The following MRPL9 variants were observed in gnomAD, a reference collection of about 807,000 sequenced individuals.
The protein encoded by MRPL9 is mitochondrial ribosomal protein L9, also known as large ribosomal subunit protein bL9m.
A neutral mutation model predicts 27.6 loss-of-function variants in MRPL9; 25 were observed. That is an observed-to-expected ratio of 0.91 (90% confidence interval 0.66 to 1.27). The LOEUF (loss-of-function observed/expected upper bound fraction) is 1.27, where lower values mean the gene tolerates loss of function less well. Ranked by LOEUF, MRPL9 falls within the 50% of genes most tolerant of loss-of-function variation. The pLI is 0.00. For synonymous variants in MRPL9, 154 were observed against 139.0 expected, an observed-to-expected ratio of 1.11 and a Z score of -0.76; for missense variants, 362 against 338.0, an observed-to-expected ratio of 1.07 and a Z score of -0.56.
Position 151,762,404 on chromosome 1 carries a change from T to A in MRPL9, c.407A>T (p.Asn136Ile). The A allele has an allele frequency of 1.2e-6, 2 of 1,614,204 alleles. No individual in the cohort carries two copies. Among genetic ancestry groups the A allele is most frequent in the Non-Finnish European group, 1.7e-6 (2 of 1,180,032 alleles). Reference protein sequence around the residue: ...QGLAVYASPENKKLFEEEKLL... With the variant: ...QGLAVYASPEIKKLFEEEKLL... ...TTTCTCCTCTTCAAACAGCTTCTTG[T>A]TTTCAGGGGATGCATATACAGCCAG... Residue 136 changes from asparagine to isoleucine, a missense_variant, in exon 3 of 7, where the codon AAC (asparagine) becomes ATC (isoleucine). Transcript: ENST00000368830.
At chr1:151,763,253 C>G in intron 1 of MRPL9, 74 bp downstream of exon 1, 2 of 1,534,904 alleles carry the variant, frequency 1.3e-6, no homozygotes, top group Non-Finnish European at 1.8e-6. Context: ...CACATCGGCC[C>G]CCTCCAGGTC....
rs779346768 is a variant in MRPL9, at chr1:151,760,834, C to T, written c.654G>A (p.Glu218=). The T allele has an allele frequency of 3.8e-5, 60 of 1,596,472 alleles. No individual in the cohort carries two copies. Among genetic ancestry groups the T allele is most frequent in the Non-Finnish European group, 4.9e-5 (58 of 1,174,782 alleles). The change falls in exon 6 of 7, where the codon GAG becomes GAA. Residue 218 remains glutamate (E), a synonymous_variant. Coordinates refer to ENST00000368830, the MANE Select transcript of MRPL9 (RefSeq NM_031420.4). The part of the protein sequence containing the change: ...LPEEPITRWG[E]YWCEVTVNGL... ...CACTCACCGTCACCTCACACCAATA[C>T]TCGCCCCACCGTGTGATAGGCTCTT...
intron 6 of MRPL9, 58 bp from the exon 7 acceptor site, chr1:151,760,239 C>A (rs1019057842): frequency 1.2e-6 from 2 of 1,601,206 alleles, no homozygotes; most frequent in Non-Finnish European, 1.7e-6. Flanking sequence ...GATTTAGCAC[C>A]ACCTAATCCC....
chr1:151,760,871 A>AATG lies in MRPL9; in HGVS notation c.614_616dup (p.Thr205_Leu206insSer). ...TGTGATAGGCTCTTCTGGTAACTTT[A>AATG]ATGTATGTGGGGCAACCACAACACC... On this transcript the variant is annotated inframe_insertion, in exon 6 of 7. Coordinates refer to ENST00000368830, the MANE Select transcript of MRPL9 (RefSeq NM_031420.4). The AATG allele has an allele frequency of 6.4e-7, 1 of 1,574,328 alleles. No homozygotes were observed. Among genetic ancestry groups the AATG allele is most frequent in the Non-Finnish European group, 8.6e-7 (1 of 1,164,406 alleles).
chr1:151,761,551 G>T lies in MRPL9; in HGVS notation c.488C>A (p.Thr163Lys). 1 of 1,605,184 alleles carries T rather than the reference G, an allele frequency of 6.2e-7. No individual in the cohort carries two copies. Among genetic ancestry groups the T allele is most frequent in the Non-Finnish European group, 8.5e-7 (1 of 1,172,264 alleles). ...GCGACAGCTTTTTAGAAATTTCACT[G>T]TCTGAAAGGAATTATGAGTTTGAGT... is the stretch of plus-strand genomic sequence containing the variant. ...EKIQTKAGEA[T>K]VKFLKSCRLE... is the part of the protein sequence containing the mutation. The change falls in exon 5 of 7, where the codon ACA becomes AAA. Residue 163 changes from threonine (T) to lysine (K), a missense_variant and splice_region_variant. Transcript: ENST00000368830.
At chr1:151,762,887 T>C (rs1319122840) in intron 2 of MRPL9, 103 bp downstream of exon 2, 1 of 1,381,072 alleles carries the variant, frequency 7.2e-7, no homozygotes, top group South Asian at 1.4e-5. Context: ...TTGGATTGTT[T>C]CCACAAAGAA....
chr1:151,760,160 T>C lies in MRPL9; in HGVS notation c.694A>G (p.Arg232Gly). ...EVTVNGLDTVRVPMSVVNFEK... is the reference protein window; with the variant it reads ...EVTVNGLDTVGVPMSVVNFEK... ...AAGTTCACGACAGACATAGGCACTC[T>C]CACAGTATCAAGCCCATTTACCTGC... Residue 232 changes from arginine (R) to glycine (G), a missense_variant, in exon 7 of 7, where the codon AGA (arginine) becomes GGA (glycine). Physicochemically the swap from Arg to Gly is moderately radical, Grantham distance 125. Coordinates refer to ENST00000368830, the MANE Select transcript of MRPL9 (RefSeq NM_031420.4). 1 of 1,614,166 alleles carries C rather than the reference T, an allele frequency of 6.2e-7. No individual in the cohort carries two copies. The highest frequency in any genetic ancestry group is 8.5e-7 in the Non-Finnish European group (1 of 1,180,022).
Position 151,759,928 on chromosome 1 carries a change from A to G in MRPL9, c.*122T>C. The G allele has an allele frequency of 7.6e-7, 1 of 1,311,600 alleles. No individual in the cohort carries two copies. 81.2% of individuals were successfully genotyped at this position (1,311,600 alleles called of 1,614,324 possible). On this transcript the variant is annotated 3_prime_UTR_variant, in exon 7 of 7. Coordinates refer to ENST00000368830, the MANE Select transcript of MRPL9 (RefSeq NM_031420.4). Reference sequence around the variant, plus strand: ...CAACATGTATACGCAGTGCAGTCTGATGTCTTCAGATGTTCTCTAAAATTC... The same window carrying G: ...CAACATGTATACGCAGTGCAGTCTGGTGTCTTCAGATGTTCTCTAAAATTC...
In MRPL9 at chr1:151,763,086, G is replaced by A. The variant is rs951879925; in HGVS notation, c.214C>T (p.Arg72Cys). ...VPLAGEGRKP[R>C]LHRRHRVYKL... Reference sequence around the variant, plus strand: ...TAGACGCGATGTCGCCGGTGCAGGCGCGGCTTCCGGCCCTCCCCGGCCAGC... The same window carrying A: ...TAGACGCGATGTCGCCGGTGCAGGCACGGCTTCCGGCCCTCCCCGGCCAGC... The change falls in exon 2 of 7, where the codon CGC (arginine) becomes TGC (cysteine). Residue 72 changes from arginine to cysteine, a missense_variant. Transcript: ENST00000368830. The A allele has an allele frequency of 3.7e-6, 6 of 1,613,898 alleles. No homozygotes were observed. The African/African-American group carries it at 4.0e-5, about 11-fold the overall frequency.
At chr1:151,760,319 T>TTTGGGA (rs1648006358) in intron 6 of MRPL9, 138 bp from the exon 7 acceptor site, 1 of 1,101,424 alleles carries the variant, frequency 9.1e-7, no homozygotes, top group Non-Finnish European at 1.3e-6. Context: ...GGCTTATGCC[T>TTTGGGA]GTAATCCCAG....
At chr1:151,763,262 T>A (rs1030161685) in intron 1 of MRPL9, 65 bp downstream of exon 1, 2 of 1,539,236 alleles carry the variant, frequency 1.3e-6, no homozygotes, top group Non-Finnish European at 1.8e-6. Flanking sequence ...CCCCTCCAGG[T>A]CCCAGTGCGC....
intron 1 of MRPL9, 70 bp downstream of exon 1, chr1:151,763,257 C>T (rs781036160): frequency 1.1e-5 from 17 of 1,540,354 alleles, no homozygotes; most frequent in Admixed American, 1.9e-5. Flanking sequence ...TCGGCCCCCT[C>T]CAGGTCCCAG....
Position 151,759,748 on chromosome 1 carries a change from T to A in MRPL9, c.*302A>T, listed in dbSNP as rs879420553. ...TGGAGACAATGGCTGGCTCTCCTGT[T>A]TGTCCCAATAAACTCCAATGGAGGA... On this transcript the variant is annotated 3_prime_UTR_variant, in exon 7 of 7. Transcript: ENST00000368830. The A allele has an allele frequency of 4.8e-5, 13 of 272,736 alleles. No homozygotes were observed. The highest frequency in any genetic ancestry group is 3.8e-4 in the Admixed American group (7 of 18,616). 16.9% of individuals were successfully genotyped at this position (272,736 alleles called of 1,614,324 possible).
Position 151,763,130 on chromosome 1 carries a change from T to G in MRPL9, c.170A>C (p.Glu57Ala), listed in dbSNP as rs567245913. ...LSQNRGTVIV[E>A]RWWKVPLAGE... is the part of the protein sequence containing the mutation. ...GGCCAGCGGTACCTTCCACCAGCGC[T>G]CCACGATGACCGTGCCCTGGCGGCC... Residue 57 changes from glutamate (E) to alanine (A), a missense_variant, in exon 2 of 7, where the codon GAG becomes GCG. Transcript: ENST00000368830. 6.2e-7 allele frequency: 1 copy of G among 1,613,604 alleles called. No individual in the cohort carries two copies. Among genetic ancestry groups the G allele is most frequent in the South Asian group, 1.1e-5 (1 of 91,026 alleles).
chr1:151,762,523 G>A, intron 2 of MRPL9, 23 bp from the exon 3 acceptor site: 1 of 1,612,748 alleles, frequency 6.2e-7, no homozygotes, highest in Non-Finnish European at 8.5e-7. Context: ...ACAGAGACAG[G>A]GGAATTAGAA....
chr1:151,763,302 C>T (rs1648203363), intron 1 of MRPL9, 25 bp downstream of exon 1: 3 of 1,588,174 alleles, frequency 1.9e-6, no homozygotes, highest in Non-Finnish European at 2.6e-6. Flanking sequence ...GCGTATCTAC[C>T]CCCTACCCCA....
At chr1:151,763,263 C>T in intron 1 of MRPL9, 64 bp downstream of exon 1, 1 of 1,542,624 alleles carries the variant, frequency 6.5e-7, no homozygotes, top group Non-Finnish European at 8.8e-7. Context: ...CCCTCCAGGT[C>T]CCAGTGCGCC....
In MRPL9 at chr1:151,763,326, C is replaced by A. The variant is rs762171378; in HGVS notation, c.153+1G>T. 1.0e-5 allele frequency: 16 copies of A among 1,594,846 alleles called. No homozygotes were observed. The Admixed American group carries it at 1.2e-4, about 12-fold the overall frequency. ...CCCCCTACCCCAGACTCAGCCCTCA[C>A]CCGATTTTGAGAAAGGCTGAAGTTG... On this transcript the variant is annotated splice_donor_variant, in intron 1 of 6. Transcript: ENST00000368830. LOFTEE classifies it high-confidence loss of function.
intron 3 of MRPL9, 77 bp from the exon 4 acceptor site, chr1:151,762,232 G>A (rs1648121300): frequency 3.2e-6 from 5 of 1,568,296 alleles, no homozygotes; most frequent in Non-Finnish European, 4.4e-6. Flanking sequence ...CTATTCCTAT[G>A]TTGGACATTG....
Sources: allele counts gnomAD v4.1 joint callset, GRCh38; gene constraint gnomAD v4.1.1; transcripts MANE v1.5; gene names NCBI Gene and HGNC (gene_info 2026-07-23, HGNC 2026-07-21).